The following TBC1D12 variants were observed in gnomAD, a reference collection of about 807,000 sequenced individuals.
TBC1D12 encodes TBC1 domain family member 12.
A neutral mutation model predicts 86.7 loss-of-function variants in TBC1D12; 56 were observed. That is an observed-to-expected ratio of 0.65 (90% CI 0.52 to 0.81). TBC1D12 has a LOEUF of 0.81. Among genes scored for constraint, TBC1D12 ranks in the 30% least tolerant of loss-of-function variants. The probability of loss-of-function intolerance (pLI) is 0.00; values close to 1 mark genes in which losing one functional copy is unlikely to be tolerated. For missense variants in TBC1D12, 1,023 were observed against 1,038.8 expected, an observed-to-expected ratio of 0.98 and a Z score of 0.21; for synonymous variants, 421 against 411.7, an observed-to-expected ratio of 1.02 and a Z score of -0.27.
At chr10:94,527,597 G>A (rs1842328159) in intron 11 of TBC1D12, among the ~76,000 whole-genome samples, 1 of 151,416 alleles carries the variant, frequency 6.6e-6, no homozygotes, top group Admixed American at 6.6e-5. Flanking sequence ...TTTGGTTTTG[G>A]TGCCTATACT....
At chr10:94,444,275 A>AT (rs1446889610) in intron 2 of TBC1D12, among the ~76,000 whole-genome samples, 1 of 151,182 alleles carries the variant, frequency 6.6e-6, no homozygotes, top group Admixed American at 6.6e-5. Context: ...TATCCTTATT[A>AT]AATTGTTTGG....
At chr10:94,523,491 T>C (rs12770064) in intron 11 of TBC1D12, among the ~76,000 whole-genome samples, 24,597 of 152,048 alleles carry the variant, frequency 0.16, 2,570 homozygotes, top group South Asian at 0.34. Context: ...AAGCTTTTTT[T>C]CCCCAAGATG....
intron 3 of TBC1D12, among the ~76,000 whole-genome samples, chr10:94,491,390 C>T (rs2056242944): frequency 6.6e-6 from 1 of 152,150 alleles, no homozygotes; most frequent in African/African-American, 2.4e-5. Flanking sequence ...TAAAACTGGA[C>T]ACTATTATGA....
chr10:94,519,275 G>C (rs1351669752), intron 9 of TBC1D12, among the ~76,000 whole-genome samples: 1 of 152,120 alleles, frequency 6.6e-6, no homozygotes, highest in African/African-American at 2.4e-5. Context: ...TTTGCCCCTT[G>C]TATTCATTCA....
rs1842533099 is a variant in TBC1D12, at chr10:94,535,968, G to T, written c.*2872G>T. The T allele has an allele frequency of 1.3e-5, 2 of 152,052 alleles. No homozygotes were observed. Among genetic ancestry groups the T allele is most frequent in the Non-Finnish European group, 2.9e-5 (2 of 67,958 alleles). 9.4% of individuals were successfully genotyped at this position (152,052 alleles called of 1,614,324 possible). ...AGTCTTCATTACTTTGGGGATATCTGTTTTATTTAACTGCATCTCAAGGAA... is the reference window on the plus strand; with the variant it reads ...AGTCTTCATTACTTTGGGGATATCTTTTTTATTTAACTGCATCTCAAGGAA... On this transcript the variant is annotated 3_prime_UTR_variant, in exon 13 of 13. Transcript: ENST00000225235.
chr10:94,407,232 CT>C (rs1480744206), intron 1 of TBC1D12, among the ~76,000 whole-genome samples: 1 of 152,228 alleles, frequency 6.6e-6, no homozygotes, highest in Non-Finnish European at 1.5e-5. Context: ...TCATCTCCCA[CT>C]TTCCTTCCCT....
At chr10:94,465,655 AAT>A (rs753424064) in intron 2 of TBC1D12, among the ~76,000 whole-genome samples, 54 of 106,720 alleles carry the variant, frequency 5.1e-4, no homozygotes, top group South Asian at 3.3e-3. Context: ...TAAAAAAAAA[AAT>A]ATATATATAT....
chr10:94,510,122 G>A lies in TBC1D12; in HGVS notation c.1632G>A (p.Leu544=), dbSNP rs1589667530. The A allele has an allele frequency of 3.1e-6, 5 of 1,609,310 alleles. No homozygotes were observed. Among genetic ancestry groups the A allele is most frequent in the Non-Finnish European group, 4.2e-6 (5 of 1,178,850 alleles). ...GVSVADREAS[L]ELIKLDISRT... ...CTGTTGCTGATCGAGAGGCCAGTCTGGAATTAATTAAGTTGGACATATCCC... is the reference window on the plus strand; with the variant it reads ...CTGTTGCTGATCGAGAGGCCAGTCTAGAATTAATTAAGTTGGACATATCCC... The change falls in exon 8 of 13, where the codon CTG becomes CTA. Residue 544 remains leucine (L), a synonymous_variant. Transcript: ENST00000225235.
At chr10:94,492,285 A>AG (rs1231934219) in intron 3 of TBC1D12, among the ~76,000 whole-genome samples, 1 of 152,176 alleles carries the variant, frequency 6.6e-6, no homozygotes, top group Non-Finnish European at 1.5e-5. Context: ...CCTAAGGATA[A>AG]GGGGGGACTA....
In TBC1D12 at chr10:94,474,784, G is replaced by GT. The variant is rs2055963065; in HGVS notation, c.1211+2dup. 1 of 1,611,958 alleles carries GT rather than the reference G, an allele frequency of 6.2e-7. No homozygotes were observed. The highest frequency in any genetic ancestry group is 8.5e-7 in the Non-Finnish European group (1 of 1,178,248). ...CCTTGATTCTTGAGGATCGACCATC[G>GT]TAAGTATTTTAGTGATAATCAGTGA... is the stretch of plus-strand genomic sequence containing the variant. On this transcript the variant is annotated splice_donor_variant, in intron 3 of 12. Transcript: ENST00000225235. LOFTEE classifies it high-confidence loss of function.
At chr10:94,485,189 G>A (rs543113317) in intron 3 of TBC1D12, among the ~76,000 whole-genome samples, 2 of 152,148 alleles carry the variant, frequency 1.3e-5, no homozygotes, top group South Asian at 2.1e-4. Context: ...TAGAAGAAAC[G>A]CTTCAGTTTT....
At chr10:94,492,074 T>A (rs2056252513) in intron 3 of TBC1D12, among the ~76,000 whole-genome samples, 1 of 152,202 alleles carries the variant, frequency 6.6e-6, no homozygotes, top group Non-Finnish European at 1.5e-5. Flanking sequence ...CAGTTATGAT[T>A]GAAAAGACAT....
At chr10:94,412,480 C>G (rs1292590103) in intron 1 of TBC1D12, among the ~76,000 whole-genome samples, 1 of 152,098 alleles carries the variant, frequency 6.6e-6, no homozygotes, top group Non-Finnish European at 1.5e-5. Flanking sequence ...TGACATTTCC[C>G]GAAGTCTTGA....
At position 94,403,151 on chromosome 10, in the gene TBC1D12, G is replaced by A. The variant is rs1252600465; in HGVS notation, c.538G>A (p.Glu180Lys). ...GRLRLEGPGD[E>K]DADGAGSPSD... ...CCTTCGCCTGGAGGGGCCTGGCGAC[G>A]AGGACGCGGACGGCGCGGGAAGCCC... The change falls in exon 1 of 13, where the codon GAG becomes AAG. Residue 180 changes from glutamate (E) to lysine (K), a missense_variant. Physicochemically the swap from Glu to Lys is moderately conservative, Grantham distance 56. Transcript: ENST00000225235. 2.8e-6 allele frequency: 4 copies of A among 1,429,708 alleles called. No individual in the cohort carries two copies. Among genetic ancestry groups the A allele is most frequent in the Middle Eastern group, 2.3e-4 (1 of 4,292 alleles). The allele number at this position is 1,429,708 out of a possible 1,614,324, so 88.6% of individuals were successfully genotyped here. A position where few individuals can be genotyped will look rare whatever the true frequency, so the allele number is the denominator to read the frequency against.
At chr10:94,507,412 A>G in intron 7 of TBC1D12, 65 bp downstream of exon 7, 2 of 1,378,320 alleles carry the variant, frequency 1.5e-6, no homozygotes, top group Non-Finnish European at 2.0e-6. Flanking sequence ...ATGTATCAGA[A>G]GCTGTAGTAA....
intron 6 of TBC1D12, among the ~76,000 whole-genome samples, chr10:94,505,177 TA>T (rs902203132): frequency 6.6e-6 from 1 of 152,168 alleles, no homozygotes; most frequent in Non-Finnish European, 1.5e-5. Context: ...TTGAATTTTT[TA>T]AAAAAACTTA....
At chr10:94,460,231 T>G (rs2055704217) in intron 2 of TBC1D12, among the ~76,000 whole-genome samples, 1 of 152,040 alleles carries the variant, frequency 6.6e-6, no homozygotes, top group East Asian at 1.9e-4. Context: ...CAGAACAAGA[T>G]TCCATCTCAA....
chr10:94,464,637 A>C lies in TBC1D12; in HGVS notation c.1096-10031A>C, dbSNP rs80310746. Among the ~76,000 whole-genome samples, 1,160 of 152,182 alleles carry C rather than the reference A, an allele frequency of 7.6e-3. 15 individuals are homozygous for C. Among genetic ancestry groups the C allele is most frequent in the African/African-American group, 0.027 (1,109 of 41,526 alleles). ...CATACCACCATGTGTGGCTAATTTT[A>C]AAATTTTTTTTATAGAGACGGGGTC... On this transcript the variant is annotated intron_variant, in intron 2 of 12. Transcript: ENST00000225235.
intron 1 of TBC1D12, among the ~76,000 whole-genome samples, chr10:94,436,650 A>G (rs1163458523): frequency 6.6e-6 from 1 of 152,068 alleles, no homozygotes; most frequent in Non-Finnish European, 1.5e-5. Context: ...CATTCTCTCT[A>G]TAAATTTTTA....
Sources: allele counts gnomAD v4.1 joint callset (sites outside exome capture counted in the v4.1 genomes callset), GRCh38; gene constraint gnomAD v4.1.1; transcripts MANE v1.5; gene names NCBI Gene and HGNC (gene_info 2026-07-23, HGNC 2026-07-21).